Variants in TRA2A observed in about 807,000 individuals in gnomAD.
TRA2A encodes transformer 2 alpha homolog.
A neutral mutation model predicts 45.7 loss-of-function variants in TRA2A; 31 were observed. The observed-to-expected ratio is 0.68, with a 90% CI of 0.51 to 0.92. The LOEUF is 0.92. TRA2A is among the 40% of genes least tolerant of loss of function. The pLI is 0.00. For synonymous variants in TRA2A, 132 were observed against 126.2 expected (o/e 1.05, Z -0.31); for missense variants, 304 against 367.5 (o/e 0.83, Z 1.41).
At chr7:23,506,060 A>G (rs1211117718) in intron 6 of TRA2A, 78 bp downstream of exon 6, 3 of 1,270,262 alleles carry the variant, frequency 2.4e-6, no homozygotes, top group Admixed American at 4.4e-5. Flanking sequence ...GTTTTTATTC[A>G]TATGTATCCA....
chr7:23,510,250 A>G (rs746512820), intron 4 of TRA2A, among the ~76,000 whole-genome samples: 55 of 152,104 alleles, frequency 3.6e-4, no homozygotes, highest in Non-Finnish European at 6.8e-4. Flanking sequence ...ACATATTGTC[A>G]CCTAGTGAAC....
At chr7:23,512,858 C>T in intron 4 of TRA2A, 36 bp downstream of exon 4, 1 of 1,441,648 alleles carries the variant, frequency 6.9e-7, no homozygotes, top group Non-Finnish European at 9.4e-7. Flanking sequence ...CACACTAATT[C>T]AGTACTATAA....
intron 2 of TRA2A, among the ~76,000 whole-genome samples, chr7:23,518,543 A>G (rs975015394): frequency 3.3e-5 from 5 of 151,688 alleles, no homozygotes; most frequent in Non-Finnish European, 5.9e-5. Flanking sequence ...GGTTTCCACC[A>G]TGTTGGCCAG....
At chr7:23,515,660 C>A (rs552341741) in intron 3 of TRA2A, among the ~76,000 whole-genome samples, 1 of 152,124 alleles carries the variant, frequency 6.6e-6, no homozygotes, top group Non-Finnish European at 1.5e-5. Context: ...ATTCTCCAGC[C>A]TCAGCCTCTC....
chr7:23,521,946 T>TG, intron 1 of TRA2A, 106 bp from the exon 2 acceptor site: 1 of 1,501,964 alleles, frequency 6.7e-7, no homozygotes, highest in Non-Finnish European at 8.9e-7. Flanking sequence ...GAAAAACAAA[T>TG]GGTTAGACAA....
At chr7:23,507,227 G>A in intron 5 of TRA2A, 193 bp downstream of exon 5, 1 of 542,374 alleles carries the variant, frequency 1.8e-6, no homozygotes, top group Non-Finnish European at 3.3e-6. Flanking sequence ...CAGCTCCCGA[G>A]CAGCTGGGAT....
intron 1 of TRA2A, among the ~76,000 whole-genome samples, chr7:23,524,746 G>A (rs1222443400): frequency 6.6e-6 from 1 of 150,490 alleles, no homozygotes; most frequent in Non-Finnish European, 1.5e-5. Flanking sequence ...CTGGAGTACA[G>A]TGGCACCTGA....
rs1449035937 is a variant in TRA2A at position 23,506,233 on chromosome 7, A to G, written c.675T>C (p.Gly225=). 1.9e-6 allele frequency: 3 copies of G among 1,607,302 alleles called. No homozygotes were observed. The African/African-American group carries it at 4.0e-5, about 21-fold the overall frequency. Reference sequence around the variant, plus strand: ...GACGTCTGCCACCACCTCCACCTCCACCGCCGCCGCCTCCTCCACCACCCC... The same window carrying G: ...GACGTCTGCCACCACCTCCACCTCCGCCGCCGCCGCCTCCTCCACCACCCC... The part of the protein sequence containing the change: ...SGGGGGGGGG[G]GGGGGGRRRD... Residue 225 remains glycine (G), a synonymous_variant, in exon 6 of 8, where the codon GGT becomes GGC. Transcript: ENST00000297071.
At chr7:23,522,293 C>A in intron 1 of TRA2A, 1 of 1,146,890 alleles carries the variant, frequency 8.7e-7, no homozygotes, top group Non-Finnish European at 1.1e-6. Flanking sequence ...GTGCTTCTAT[C>A]TGACCAATCT....
chr7:23,531,877 C>T lies in TRA2A; in HGVS notation c.-53G>A, dbSNP rs757658199. The T allele has an allele frequency of 1.1e-5, 17 of 1,600,362 alleles. No homozygotes were observed. The highest frequency in any genetic ancestry group is 6.0e-6 in the Non-Finnish European group (7 of 1,170,366). On this transcript the variant is annotated 5_prime_UTR_variant, in exon 1 of 8. Coordinates refer to ENST00000297071, the MANE Select transcript of TRA2A (RefSeq NM_013293.5). ...TAAGAGACAAGTCTCGGCTCGAGGG[C>T]CGATGGCCTAATTAACCCGCTGACT...
chr7:23,517,477 CA>C (rs70954385), intron 2 of TRA2A, among the ~76,000 whole-genome samples: 265 of 13,918 alleles, frequency 0.019, 2 homozygotes, highest in East Asian at 0.13. Flanking sequence ...GACTACGTCT[CA>C]AAAAAAAAAA....
chr7:23,505,864 G>A, intron 6 of TRA2A, 51 bp from the exon 7 acceptor site: 2 of 1,148,756 alleles, frequency 1.7e-6, no homozygotes, highest in Non-Finnish European at 2.4e-6. Flanking sequence ...CTCCACTGAG[G>A]CAGATGAAAA....
chr7:23,516,813 A>G (rs1268634246), intron 2 of TRA2A, among the ~76,000 whole-genome samples: 1 of 152,112 alleles, frequency 6.6e-6, no homozygotes, highest in South Asian at 2.1e-4. Flanking sequence ...CACTATTGCT[A>G]TAAAATAAAA....
intron 2 of TRA2A, 32 bp from the exon 3 acceptor site, chr7:23,516,560 T>C (rs1377053609): frequency 6.2e-7 from 1 of 1,603,554 alleles, no homozygotes; most frequent in Non-Finnish European, 8.5e-7. Context: ...GTAAAAATAC[T>C]GAAACAAAAT....
At position 23,505,500 on chromosome 7, in the gene TRA2A, TA is replaced by T. The variant is rs777556731; in HGVS notation, c.*58del. 0.2 allele frequency: 67,844 copies of T among 337,594 alleles called. 34 individuals carry two copies. The highest frequency in any genetic ancestry group is 0.26 in the East Asian group (5,861 of 22,872). The allele number at this position is 337,594 out of a possible 1,614,324, so 20.9% of individuals were successfully genotyped here. A position where few individuals can be genotyped will look rare whatever the true frequency, so the allele number is the denominator to read the frequency against. ...CCACAGCTTGGGGAAATCTCAGAAT[TA>T]AAAAAAAAAAAAAAAAAAAGAGGAA... On this transcript the variant is annotated 3_prime_UTR_variant, in exon 8 of 8. Transcript: ENST00000297071.
At chr7:23,508,775 T>A (rs1232028687) in intron 4 of TRA2A, among the ~76,000 whole-genome samples, 1 of 152,186 alleles carries the variant, frequency 6.6e-6, no homozygotes, top group Admixed American at 6.5e-5. Context: ...ATTACAGGCG[T>A]AAGCCACCAC....
Position 23,516,355 on chromosome 7 carries a change from C to T in TRA2A, c.336+8G>A, listed in dbSNP as rs547988276. On this transcript the variant is annotated splice_region_variant and intron_variant, in intron 3 of 7. Transcript: ENST00000297071. ...ATAAGTCTTCATTAACTTTTATAAA[C>T]CACGTACCCTGCTGCCAGTATGTCT... is the stretch of plus-strand genomic sequence containing the variant. 22 of 1,613,916 alleles carry T rather than the reference C, an allele frequency of 1.4e-5. No homozygotes were observed. In the East Asian group the frequency reaches 2.0e-4, roughly 15 times the overall value.
At chr7:23,529,591 C>G (rs1042578135) in intron 1 of TRA2A, among the ~76,000 whole-genome samples, 1 of 152,170 alleles carries the variant, frequency 6.6e-6, no homozygotes, top group South Asian at 2.1e-4. Flanking sequence ...CATCTCCAGA[C>G]AAGCTTCTCG....
chr7:23,526,823 G>A (rs556850775), intron 1 of TRA2A, among the ~76,000 whole-genome samples: 1 of 152,204 alleles, frequency 6.6e-6, no homozygotes, highest in East Asian at 1.9e-4. Context: ...GTCTTTATCT[G>A]CAAAGACTCA....
Sources: allele counts gnomAD v4.1 joint callset (sites outside exome capture counted in the v4.1 genomes callset), GRCh38; gene constraint gnomAD v4.1.1; transcripts MANE v1.5; gene names NCBI Gene and HGNC (gene_info 2026-07-23, HGNC 2026-07-21).